XPO1: variants seen among roughly 807,000 people sequenced by gnomAD.
XPO1 encodes exportin-1.
In XPO1, 5 loss-of-function variants were observed where a neutral mutation model predicts 133.3. That is an observed-to-expected ratio of 0.04 (90% CI 0.02 to 0.08). XPO1 has a LOEUF of 0.08. XPO1 is among the 10% of genes least tolerant of loss of function. The pLI is 1.00. For synonymous variants in XPO1, 419 were observed against 408.2 expected, an observed-to-expected ratio of 1.03 and a Z score of -0.32; for missense variants, 506 against 1,267.5, an observed-to-expected ratio of 0.40 and a Z score of 9.12.
Position 61,498,747 on chromosome 2 carries a change from A to G in XPO1, c.685T>C (p.Leu229=), listed in dbSNP as rs1380043514. 1.2e-6 allele frequency: 2 copies of G among 1,614,104 alleles called. No homozygotes were observed. The highest frequency in any genetic ancestry group is 2.2e-5 in the East Asian group (1 of 44,850). Reference sequence around the variant, plus strand: ...GGAATCCAGTTCAGAAATCTGAGCAATGTTTCCAAGGTTGCATGTACAAGT... The same window carrying G: ...GGAATCCAGTTCAGAAATCTGAGCAGTGTTTCCAAGGTTGCATGTACAAGT... The part of the protein sequence containing the change: ...APLVHATLET[L]LRFLNWIPLG... Residue 229 remains leucine, a synonymous_variant, in exon 9 of 25, where the codon TTG becomes CTG. Coordinates refer to ENST00000401558, the MANE Select transcript of XPO1 (RefSeq NM_003400.4).
intron 4 of XPO1, among the ~76,000 whole-genome samples, chr2:61,515,002 G>C (rs959913946): frequency 6.6e-5 from 10 of 151,318 alleles, no homozygotes; most frequent in African/African-American, 2.4e-4. Flanking sequence ...CCGAGAGCCA[G>C]AGGTTGCAAT....
intron 4 of XPO1, among the ~76,000 whole-genome samples, chr2:61,515,244 T>C (rs1160260151): frequency 6.6e-6 from 1 of 152,154 alleles, no homozygotes; most frequent in African/African-American, 2.4e-5. Flanking sequence ...TATCCAACTG[T>C]ACACTTTAAA....
intron 4 of XPO1, among the ~76,000 whole-genome samples, chr2:61,517,829 T>C (rs1303815272): frequency 6.6e-6 from 1 of 152,120 alleles, no homozygotes; most frequent in Non-Finnish European, 1.5e-5. Context: ...CAGTGCTAGC[T>C]ACTCTCAAGG....
intron 11 of XPO1, 81 bp downstream of exon 11, chr2:61,495,374 A>C: frequency 9.0e-7 from 1 of 1,113,174 alleles, no homozygotes; most frequent in Non-Finnish European, 1.2e-6. Context: ...CAAAAGGTAC[A>C]TACATTTTAG....
At chr2:61,508,376 G>T (rs1697928633) in intron 4 of XPO1, among the ~76,000 whole-genome samples, 1 of 152,116 alleles carries the variant, frequency 6.6e-6, no homozygotes, top group African/African-American at 2.4e-5. Context: ...AAATGCAAGG[G>T]TTAATGCATA....
At chr2:61,508,207 G>A (rs1425825458) in intron 4 of XPO1, among the ~76,000 whole-genome samples, 1 of 152,012 alleles carries the variant, frequency 6.6e-6, no homozygotes, top group Admixed American at 6.6e-5. Flanking sequence ...ACTGCGGGAG[G>A]CTCCATCTCA....
intron 7 of XPO1, 131 bp downstream of exon 7, chr2:61,499,582 G>T: frequency 1.1e-6 from 1 of 895,092 alleles, no homozygotes. Context: ...TTAATCTGCA[G>T]TTGAAAACCA....
intron 10 of XPO1, 147 bp downstream of exon 10, chr2:61,496,732 A>C (rs908384224): frequency 9.6e-7 from 1 of 1,037,916 alleles, no homozygotes; most frequent in Non-Finnish European, 1.3e-6. Context: ...ACATCATAAA[A>C]ATTTGTAGCT....
intron 2 of XPO1, among the ~76,000 whole-genome samples, chr2:61,529,037 T>C (rs925832502): frequency 6.6e-6 from 1 of 151,262 alleles, no homozygotes; most frequent in East Asian, 2.0e-4. Context: ...GAAAAATTAA[T>C]AATGAGCCAG....
At chr2:61,479,768 G>A (rs942222876) in intron 24 of XPO1, among the ~76,000 whole-genome samples, 3 of 152,060 alleles carry the variant, frequency 2.0e-5, no homozygotes, top group Non-Finnish European at 4.4e-5. Flanking sequence ...TCACCATGTT[G>A]CCCAGGCTGA....
intron 4 of XPO1, among the ~76,000 whole-genome samples, chr2:61,520,143 C>G (rs1397958983): frequency 6.6e-6 from 1 of 151,980 alleles, no homozygotes; most frequent in Admixed American, 6.6e-5. Flanking sequence ...GGTAGTTGGA[C>G]AAAGGGTATA....
intron 2 of XPO1, among the ~76,000 whole-genome samples, chr2:61,531,991 G>C (rs564791793): frequency 1.3e-5 from 2 of 152,226 alleles, no homozygotes; most frequent in South Asian, 4.1e-4. Flanking sequence ...AAGCAGTACT[G>C]TTGCATTTCA....
At chr2:61,530,816 A>G (rs1027970136) in intron 2 of XPO1, among the ~76,000 whole-genome samples, 1 of 151,880 alleles carries the variant, frequency 6.6e-6, no homozygotes, top group African/African-American at 2.4e-5. Flanking sequence ...TCATTAGTGC[A>G]TATTTTATGA....
At chr2:61,482,809 TACAG>T (rs1054928035) in intron 22 of XPO1, 144 bp downstream of exon 22, 14 of 941,832 alleles carry the variant, frequency 1.5e-5, no homozygotes, top group East Asian at 5.3e-5. Flanking sequence ...GTATTTTTAG[TACAG>T]ACAGTTTCAC....
chr2:61,481,970 T>C (rs939216564), intron 23 of XPO1, among the ~76,000 whole-genome samples: 2 of 147,092 alleles, frequency 1.4e-5, no homozygotes, highest in African/African-American at 5.0e-5. Flanking sequence ...CTCCTGACCT[T>C]GTGATTCACC....
rs142941290 is a variant in XPO1 at position 61,498,883 on chromosome 2, T to G, written c.621A>C (p.Gln207His). The stretch of plus-strand genomic sequence containing the variant: ...CACTTACCATTACAAACTGACACAG[T>G]TGAAATATCTGTGAGAATTCATTGC... ...SMCNEFSQIFQLCQFVMENSQ... is the reference protein window; with the variant it reads ...SMCNEFSQIFHLCQFVMENSQ... Residue 207 changes from glutamine to histidine, a missense_variant, in exon 8 of 25, where the codon CAA (glutamine) becomes CAC (histidine). This residue lies in a region of XPO1 where 134 missense variants were observed against 261.6 expected (regional missense o/e 0.51). Transcript: ENST00000401558. 2 of 1,599,218 alleles carry G rather than the reference T, an allele frequency of 1.3e-6. No individual in the cohort carries two copies. Among genetic ancestry groups the G allele is most frequent in the Non-Finnish European group, 8.5e-7 (1 of 1,173,758 alleles).
intron 4 of XPO1, among the ~76,000 whole-genome samples, chr2:61,519,386 T>C (rs1237398497): frequency 1.3e-5 from 2 of 152,046 alleles, no homozygotes; most frequent in Admixed American, 1.3e-4. Context: ...GAGGCCTAAA[T>C]TGAAAATGTC....
At chr2:61,527,375 C>G (rs903545029) in intron 2 of XPO1, among the ~76,000 whole-genome samples, 3 of 146,132 alleles carry the variant, frequency 2.1e-5, no homozygotes, top group African/African-American at 7.5e-5. Flanking sequence ...ATAGTCCTAA[C>G]TACTCAGGAG....
At chr2:61,501,596 A>T (rs1697522617) in intron 6 of XPO1, among the ~76,000 whole-genome samples, 1 of 151,506 alleles carries the variant, frequency 6.6e-6, no homozygotes, top group Non-Finnish European at 1.5e-5. Context: ...GGTGGTAAGC[A>T]CCCGTAATTC....
Sources: allele counts gnomAD v4.1 joint callset (sites outside exome capture counted in the v4.1 genomes callset), GRCh38; gene constraint gnomAD v4.1.1; regional missense constraint gnomAD v4.1.1; transcripts MANE v1.5; gene names NCBI Gene and HGNC (gene_info 2026-07-23, HGNC 2026-07-21).